Variants in CD5 observed in about 807,000 individuals in gnomAD.
CD5 encodes T-cell surface glycoprotein CD5.
Under a neutral mutation model 60.3 loss-of-function variants are expected in CD5, and 36 were observed. The ratio of observed to expected loss-of-function variants is 0.60; its 90% CI spans 0.46 to 0.79. The LOEUF (loss-of-function observed/expected upper bound fraction) is 0.79, where lower values mean the gene tolerates loss of function less well. Ranked by LOEUF, CD5 falls within the 30% of genes least tolerant of loss-of-function variation. The pLI, the probability that CD5 is intolerant of heterozygous loss-of-function variation, is 0.00. For missense variants in CD5, 540 were observed against 630.6 expected, an observed-to-expected ratio of 0.86 and a Z score of 1.54; for synonymous variants, 230 against 257.6, an observed-to-expected ratio of 0.89 and a Z score of 1.03.
At chr11:61,100,686 C>A (rs1860661366), upstream of CD5, among the ~76,000 whole-genome samples, 1 of 133,160 alleles carries the variant, frequency 7.5e-6, no homozygotes. Flanking sequence ...TCACACACAT[C>A]AACATGGAGA....
chr11:61,103,578 T>A (rs1860731590), intron 1 of CD5, among the ~76,000 whole-genome samples: 1 of 151,656 alleles, frequency 6.6e-6, no homozygotes, highest in South Asian at 2.1e-4. Flanking sequence ...GTGAGAACTG[T>A]GTGTGGGGGA....
upstream of CD5, among the ~76,000 whole-genome samples, chr11:61,099,986 A>G (rs1017096820): frequency 3.3e-5 from 5 of 150,942 alleles, no homozygotes; most frequent in Non-Finnish European, 5.9e-5. Context: ...ATTCACACAC[A>G]TCAACATGGA....
chr11:61,119,047 T>C (rs79811054), intron 4 of CD5, 70 bp downstream of exon 4: 132,437 of 1,362,668 alleles, frequency 0.097, 6,810 homozygotes, highest in South Asian at 0.11. Flanking sequence ...CCCAGTTACA[T>C]TGGAATTTCT....
In CD5 at chr11:61,117,016, C is replaced by T. The variant is rs1473839120; in HGVS notation, c.95-1159C>T. Among the ~76,000 whole-genome samples the T allele has an allele frequency of 2.0e-5, 3 of 152,184 alleles. No individual in the cohort carries two copies. In the East Asian group the frequency reaches 5.8e-4, roughly 29 times the overall value. ...ATTTACCCAAGAGAAATGGAAACGCCCACACAAAGACCTGTATGTGAATGT... is the reference window on the plus strand; with the variant it reads ...ATTTACCCAAGAGAAATGGAAACGCTCACACAAAGACCTGTATGTGAATGT... On this transcript the variant is annotated intron_variant, in intron 2 of 10. Transcript: ENST00000347785.
intron 2 of CD5, among the ~76,000 whole-genome samples, chr11:61,117,746 G>A (rs1008057312): frequency 7.9e-5 from 12 of 152,048 alleles, no homozygotes; most frequent in African/African-American, 1.2e-4. Context: ...TGATCTGCCC[G>A]CCTCAGCTTC....
intron 1 of CD5, among the ~76,000 whole-genome samples, chr11:61,109,255 G>C (rs61701222): frequency 0.036 from 5,447 of 152,310 alleles, 276 homozygotes; most frequent in African/African-American, 0.12. Flanking sequence ...CGAATGGGAG[G>C]CTATTTATAA....
In CD5 at chr11:61,125,812, T is replaced by C. The variant is rs768521475; in HGVS notation, c.1461T>C (p.Tyr487=). 1 of 1,612,446 alleles carries C rather than the reference T, an allele frequency of 6.2e-7. No homozygotes were observed. Among genetic ancestry groups the C allele is most frequent in the Non-Finnish European group, 8.5e-7 (1 of 1,179,004 alleles). The change falls in exon 10 of 11, where the codon TAT becomes TAC. Residue 487 remains tyrosine, a synonymous_variant. Transcript: ENST00000347785. The part of the protein sequence containing the change: ...MQPDNSSDSD[Y]DLHGAQRL ...CTGACAACTCCTCCGACAGTGACTA[T>C]GATCTGCATGGGGCTCAGAGGCTGT...
upstream of CD5, among the ~76,000 whole-genome samples, chr11:61,098,216 T>C (rs1225894741): frequency 2.0e-5 from 3 of 152,192 alleles, no homozygotes; most frequent in Non-Finnish European, 4.4e-5. Context: ...TGCTCCCTTG[T>C]TTGCTACCTG....
chr11:61,095,511 C>T, the CD5 span, among the ~76,000 whole-genome samples: 1,186 of 152,320 alleles, frequency 7.8e-3, 8 homozygotes, highest in Middle Eastern at 0.014. Context: ...GGCTGACTGC[C>T]ACCAGCTGCT....
intron 2 of CD5, among the ~76,000 whole-genome samples, chr11:61,116,492 ACACAC>A (rs1309712175): frequency 3.9e-5 from 5 of 129,364 alleles, no homozygotes; most frequent in Admixed American, 1.5e-4. Context: ...CACACCCCAC[ACACAC>A]CACCACACCA....
chr11:61,105,442 G>A (rs2134593016), intron 1 of CD5, among the ~76,000 whole-genome samples: 1 of 152,304 alleles, frequency 6.6e-6, no homozygotes. Flanking sequence ...GTACCTCATA[G>A]AGGCTTATAA....
chr11:61,101,911 TACACACA>T (rs1860698648), upstream of CD5, among the ~76,000 whole-genome samples: 1 of 142,346 alleles, frequency 7.0e-6, no homozygotes, highest in African/African-American at 2.6e-5. Flanking sequence ...TCTCTCTCTC[TACACACA>T]CACACACACA....
chr11:61,102,779 G>A (rs1003506610), intron 1 of CD5, among the ~76,000 whole-genome samples, 164 bp downstream of exon 1: 35 of 152,286 alleles, frequency 2.3e-4, no homozygotes, highest in African/African-American at 7.9e-4. Context: ...CCACTAAGCC[G>A]CAGCTTGGCC....
intron 1 of CD5, among the ~76,000 whole-genome samples, chr11:61,104,379 G>A (rs968260991): frequency 1.3e-5 from 2 of 152,200 alleles, no homozygotes; most frequent in Non-Finnish European, 2.9e-5. Context: ...CAGGGACCCT[G>A]CTAAGGAGGG....
In CD5 at chr11:61,118,253, T is replaced by C. The variant is rs182453573; in HGVS notation, c.173T>C (p.Met58Thr). ...LEVYLKDGWH[M>T]VCSQSWGRSS... ...GTCTACCTCAAGGACGGATGGCACA[T>C]GGTTTGCAGCCAGAGCTGGGGCCGG... Residue 58 changes from methionine (M) to threonine (T), a missense_variant, in exon 3 of 11, where the codon ATG (methionine) becomes ACG (threonine). Transcript: ENST00000347785. This position sits in a 1 kb window ranked among gnomAD's most constrained non-coding sequence, Gnocchi z 4.7. 2.5e-6 allele frequency: 4 copies of C among 1,614,060 alleles called. No individual in the cohort carries two copies. Among genetic ancestry groups the C allele is most frequent in the Non-Finnish European group, 3.4e-6 (4 of 1,180,038 alleles).
At position 61,119,289 on chromosome 11, in the gene CD5, G is replaced by T. The variant is rs773426771; in HGVS notation, c.519G>T (p.Val173=). The T allele has an allele frequency of 5.6e-5, 91 of 1,613,504 alleles. 1 individual carries two copies. The Admixed American group carries it at 9.2e-4, about 16-fold the overall frequency. ...CTGGCGGCCAGCACTGTGCCGGCGT[G>T]GTGGAGTTCTACAGCGGCAGCCTGG... ...AQSGGQHCAG[V]VEFYSGSLGG... Residue 173 remains valine, a synonymous_variant, in exon 5 of 11, where the codon GTG becomes GTT. Transcript: ENST00000347785.
intron 1 of CD5, among the ~76,000 whole-genome samples, chr11:61,105,636 A>G (rs1860766482): frequency 1.3e-5 from 2 of 152,178 alleles, no homozygotes; most frequent in Admixed American, 6.5e-5. Flanking sequence ...ACAGCCGTCA[A>G]TCTCTCTACC....
chr11:61,124,605 C>T (rs72912994), intron 8 of CD5, among the ~76,000 whole-genome samples: 6,365 of 152,158 alleles, frequency 0.042, 198 homozygotes, highest in Non-Finnish European at 0.058. Context: ...CCTTCTTCCC[C>T]CTTCCCAAGT....
At position 61,121,610 on chromosome 11, in the gene CD5, G is replaced by C; in HGVS notation, c.806-1G>C. The C allele has an allele frequency of 3.4e-6, 5 of 1,459,018 alleles. No homozygotes were observed. Among genetic ancestry groups the C allele is most frequent in the Non-Finnish European group, 2.7e-6 (3 of 1,101,740 alleles). The allele number at this position is 1,459,018 out of a possible 1,614,324, so 90.4% of individuals were successfully genotyped here. A position where few individuals can be genotyped will look rare whatever the true frequency, so the allele number is the denominator to read the frequency against. On this transcript the variant is annotated splice_acceptor_variant, in intron 5 of 10. Coordinates refer to ENST00000347785, the MANE Select transcript of CD5 (RefSeq NM_014207.4). LOFTEE classifies it high-confidence loss of function. ...TCCTTTCCCATTGCTTCCCCTCTCA[G>C]GTTTCCAGCCCAAGGTGCAGAGCCG...
Sources: gnomAD v4.1 joint callset for allele counts (sites outside exome capture counted in the v4.1 genomes callset) on GRCh38, gnomAD v4.1.1 for gene constraint, Gnocchi (gnomAD v3.1) non-coding constraint, MANE v1.5 for transcripts, NCBI Gene and HGNC (gene_info 2026-07-23, HGNC 2026-07-21) for gene names.